VTI1A: variants seen among roughly 807,000 people sequenced by gnomAD.
The protein encoded by VTI1A is vesicle transport through interaction with t-SNAREs 1A.
Under a neutral mutation model 34.9 loss-of-function variants are expected in VTI1A, and 22 were observed. That is an observed-to-expected ratio of 0.63 (90% CI 0.45 to 0.90). The LOEUF (loss-of-function observed/expected upper bound fraction) is 0.90. Among genes scored for constraint, VTI1A ranks in the 40% least tolerant of loss-of-function variants. The pLI is 0.00. For missense variants in VTI1A, 268 were observed against 275.6 expected (o/e 0.97, Z 0.20); for synonymous variants, 87 against 97.3 (o/e 0.89, Z 0.62).
intron 5 of VTI1A, among the ~76,000 whole-genome samples, chr10:112,639,595 G>A (rs1040101568): frequency 1.3e-5 from 2 of 152,120 alleles, no homozygotes; most frequent in African/African-American, 4.8e-5. Context: ...CTGACATGGG[G>A]TGACTAGATG....
rs1181090787 is a variant in VTI1A at position 112,736,109 on chromosome 10, G to GTATATA, written c.560+67112_560+67113insATATAT. Among the ~76,000 whole-genome samples, 402 of 116,820 alleles carry GTATATA rather than the reference G, an allele frequency of 3.4e-3. 7 individuals carry two copies. The highest frequency in any genetic ancestry group is 0.015 in the East Asian group (63 of 4,066). The allele number at this position is 116,820 out of a possible 152,430, so 76.6% of individuals were successfully genotyped here. A position where few individuals can be genotyped will look rare whatever the true frequency, so the allele number is the denominator to read the frequency against. On this transcript the variant is annotated intron_variant, in intron 7 of 7. Transcript: ENST00000393077. ...GTATATTTTACATATATATGTGTGT[G>GTATATA]TGTATATATATATATATATATATAT...
intron 5 of VTI1A, among the ~76,000 whole-genome samples, chr10:112,591,512 T>A (rs915593846): frequency 1.0e-5 from 1 of 96,146 alleles, no homozygotes; most frequent in Non-Finnish European, 2.3e-5. Flanking sequence ...AGAGTGAGAC[T>A]CCGTCTCACA....
the VTI1A span, among the ~76,000 whole-genome samples, chr10:112,846,634 C>G: frequency 6.6e-6 from 1 of 151,986 alleles, no homozygotes. Context: ...GACATGGTGG[C>G]GGGCACCTGT....
intron 7 of VTI1A, among the ~76,000 whole-genome samples, chr10:112,713,459 G>A (rs1000386543): frequency 3.3e-5 from 5 of 151,238 alleles, no homozygotes; most frequent in African/African-American, 1.2e-4. Context: ...AAACCTATAA[G>A]GGAGGCATTA....
At chr10:112,520,888 A>T (rs1237179694) in intron 3 of VTI1A, among the ~76,000 whole-genome samples, 1 of 151,944 alleles carries the variant, frequency 6.6e-6, no homozygotes, top group Non-Finnish European at 1.5e-5. Context: ...ACTAATTTTT[A>T]ATTTTTTTTC....
At chr10:112,568,496 G>C (rs544192867) in intron 5 of VTI1A, among the ~76,000 whole-genome samples, 5 of 151,828 alleles carry the variant, frequency 3.3e-5, no homozygotes, top group Admixed American at 6.6e-5. Context: ...AAAAAAGTGA[G>C]TGAGTCTCCA....
intron 7 of VTI1A, chr10:112,677,742 G>C (rs1848079069): frequency 6.6e-6 from 1 of 152,242 alleles, no homozygotes; most frequent in African/African-American, 2.4e-5. Context: ...ACATACATGG[G>C]CCCTTGATAA....
intron 7 of VTI1A, among the ~76,000 whole-genome samples, chr10:112,700,149 A>G (rs1474010580): frequency 6.6e-6 from 1 of 151,516 alleles, no homozygotes; most frequent in Non-Finnish European, 1.5e-5. Flanking sequence ...AACAAAAAAA[A>G]AAAAACACTC....
At chr10:112,789,396 G>T (rs1852390589) in intron 7 of VTI1A, among the ~76,000 whole-genome samples, 1 of 152,136 alleles carries the variant, frequency 6.6e-6, no homozygotes, top group South Asian at 2.1e-4. Flanking sequence ...CATTGTTTCT[G>T]ATGAGAAGTC....
intron 1 of VTI1A, chr10:112,449,924 G>A (rs1462585779): frequency 6.6e-6 from 1 of 152,052 alleles, no homozygotes; most frequent in Non-Finnish European, 1.5e-5. Context: ...TTATGAGATG[G>A]GGTCTTGCTG....
At chr10:112,659,376 C>T (rs935246904) in intron 5 of VTI1A, among the ~76,000 whole-genome samples, 3 of 152,168 alleles carry the variant, frequency 2.0e-5, no homozygotes, top group African/African-American at 7.2e-5. Context: ...GATTCATTCT[C>T]ATTTTTGAAT....
At chr10:112,513,147 T>C (rs1281110657) in intron 3 of VTI1A, among the ~76,000 whole-genome samples, 1 of 152,140 alleles carries the variant, frequency 6.6e-6, no homozygotes, top group Non-Finnish European at 1.5e-5. Flanking sequence ...ATTTTCACAG[T>C]ATTAATTCTT....
At chr10:112,699,611 T>A (rs1340694960) in intron 7 of VTI1A, among the ~76,000 whole-genome samples, 1 of 151,892 alleles carries the variant, frequency 6.6e-6, no homozygotes. Context: ...GACGGGTGGA[T>A]CATGAGGTCA....
intron 5 of VTI1A, among the ~76,000 whole-genome samples, chr10:112,618,524 T>TATATATATATAGAGAG (rs748276058): frequency 1.4e-3 from 49 of 34,560 alleles, no homozygotes; most frequent in Non-Finnish European, 1.9e-3. Context: ...TATATATATA[T>TATATATATATAGAGAG]AGAGAGAGAG....
intron 5 of VTI1A, among the ~76,000 whole-genome samples, chr10:112,639,239 T>G (rs10490999): frequency 0.1 from 15,709 of 152,182 alleles, 1,564 homozygotes; most frequent in East Asian, 0.31. Context: ...TTTTTATTAC[T>G]AAATTTCATT....
chr10:112,851,294 T>C, the VTI1A span, among the ~76,000 whole-genome samples: 1 of 152,206 alleles, frequency 6.6e-6, no homozygotes, highest in Non-Finnish European at 1.5e-5. Context: ...ATGATAATGA[T>C]TGAAAACGTG....
At chr10:112,598,456 G>A (rs1370767473) in intron 5 of VTI1A, among the ~76,000 whole-genome samples, 1 of 152,174 alleles carries the variant, frequency 6.6e-6, no homozygotes, top group African/African-American at 2.4e-5. Context: ...AGAACACTAC[G>A]TAAAAATAAA....
intron 7 of VTI1A, among the ~76,000 whole-genome samples, chr10:112,712,831 A>G (rs534210749): frequency 6.6e-6 from 1 of 152,310 alleles, no homozygotes; most frequent in South Asian, 2.1e-4. Context: ...TGCTATATGC[A>G]GATTTAATGG....
intron 7 of VTI1A, among the ~76,000 whole-genome samples, chr10:112,714,912 G>A (rs11196071): frequency 0.016 from 2,420 of 152,246 alleles, 47 homozygotes; most frequent in Middle Eastern, 0.024. Context: ...GATGTGCACC[G>A]TGTTCATGGT....
Sources: allele counts gnomAD v4.1 joint callset (sites outside exome capture counted in the v4.1 genomes callset), GRCh38; gene constraint gnomAD v4.1.1; transcripts MANE v1.5; gene names NCBI Gene and HGNC (gene_info 2026-07-23, HGNC 2026-07-21).